PTPRD: variants seen among roughly 807,000 people sequenced by gnomAD.
PTPRD encodes the protein protein tyrosine phosphatase receptor type D.
PTPRD carries 34 observed loss-of-function variants against 214.5 expected under a neutral mutation model. The observed-to-expected ratio is 0.16, with a 90% CI of 0.12 to 0.21. The LOEUF (loss-of-function observed/expected upper bound fraction) is 0.21. Among genes scored for constraint, PTPRD ranks in the 10% least tolerant of loss-of-function variants. The probability of loss-of-function intolerance (pLI) is 1.00; values close to 1 mark genes in which losing one functional copy is unlikely to be tolerated. For synonymous variants in PTPRD, 1,128 were observed against 845.7 expected, an observed-to-expected ratio of 1.33 and a Z score of -5.79; for missense variants, 2,545 against 2,398.7, an observed-to-expected ratio of 1.06 and a Z score of -1.27.
At chr9:8,620,887 T>C (rs1490554774) in intron 14 of PTPRD, among the ~76,000 whole-genome samples, 1 of 151,996 alleles carries the variant, frequency 6.6e-6, no homozygotes, top group Non-Finnish European at 1.5e-5. Flanking sequence ...ACAAGTAATT[T>C]TTCTTCAATC....
At chr9:10,268,268 C>A (rs944239961) in intron 3 of PTPRD, among the ~76,000 whole-genome samples, 10 of 148,958 alleles carry the variant, frequency 6.7e-5, no homozygotes, top group East Asian at 5.9e-4. Flanking sequence ...CCAGCCTGGG[C>A]AGCAGAGCAA....
At chr9:10,470,822 G>A (rs974652582) in intron 2 of PTPRD, among the ~76,000 whole-genome samples, 7 of 152,004 alleles carry the variant, frequency 4.6e-5, no homozygotes, top group African/African-American at 1.4e-4. Flanking sequence ...GTGGTGGAGG[G>A]TATCAGAAGA....
chr9:9,151,429 TC>T (rs2099876671), intron 10 of PTPRD, among the ~76,000 whole-genome samples: 2 of 152,084 alleles, frequency 1.3e-5, no homozygotes, highest in African/African-American at 2.4e-5. Flanking sequence ...ACTCCTGATG[TC>T]CCCCAGGCTG....
At chr9:10,374,821 T>C (rs1361489488) in intron 2 of PTPRD, among the ~76,000 whole-genome samples, 1 of 152,076 alleles carries the variant, frequency 6.6e-6, no homozygotes, top group Admixed American at 6.6e-5. Context: ...TATATATGAC[T>C]ACTTGAAAAC....
At chr9:10,342,530 C>G (rs1354710882) in intron 2 of PTPRD, among the ~76,000 whole-genome samples, 2 of 151,936 alleles carry the variant, frequency 1.3e-5, no homozygotes, top group Non-Finnish European at 2.9e-5. Context: ...CACTAGAAAA[C>G]ACAACAGGAT....
intron 8 of PTPRD, among the ~76,000 whole-genome samples, chr9:9,439,555 C>T (rs2086686464): frequency 6.6e-6 from 1 of 152,110 alleles, no homozygotes; most frequent in East Asian, 1.9e-4. Flanking sequence ...TGAGTAAACA[C>T]AATAGGAAAC....
intron 7 of PTPRD, among the ~76,000 whole-genome samples, chr9:9,670,831 T>C (rs1055251336): frequency 2.0e-5 from 3 of 152,192 alleles, no homozygotes; most frequent in Admixed American, 6.5e-5. Context: ...TATATGGAAA[T>C]GCCTGGATGC....
At chr9:8,713,332 A>G (rs7857358) in intron 12 of PTPRD, 12,691 of 866,976 alleles carry the variant, frequency 0.015, 268 homozygotes, top group South Asian at 0.053. Context: ...GGGCACACTA[A>G]GAGAGTACAA....
chr9:9,912,235 AG>A (rs1386219472), intron 5 of PTPRD, among the ~76,000 whole-genome samples: 3 of 152,126 alleles, frequency 2.0e-5, no homozygotes, highest in Non-Finnish European at 4.4e-5. Context: ...GGAGCAGGTC[AG>A]CCCCTCTGGA....
chr9:10,452,853 C>A (rs1213514743), intron 2 of PTPRD, among the ~76,000 whole-genome samples: 1 of 151,444 alleles, frequency 6.6e-6, no homozygotes, highest in Non-Finnish European at 1.5e-5. Context: ...TTTATTTTTG[C>A]TTTTGTTTTC....
intron 9 of PTPRD, among the ~76,000 whole-genome samples, chr9:9,224,213 A>G (rs530839053): frequency 1.7e-3 from 255 of 152,124 alleles, no homozygotes; most frequent in African/African-American, 5.7e-3. Context: ...TAGACTCAAG[A>G]GTAAGAAGCC....
intron 5 of PTPRD, among the ~76,000 whole-genome samples, chr9:9,913,549 G>A (rs1047071887): frequency 6.6e-6 from 1 of 152,136 alleles, no homozygotes; most frequent in East Asian, 1.9e-4. Context: ...AGATGCACCA[G>A]TAGTGACTGG....
intron 2 of PTPRD, among the ~76,000 whole-genome samples, chr9:10,601,513 A>G (rs2077971994): frequency 1.3e-5 from 2 of 151,786 alleles, no homozygotes; most frequent in East Asian, 1.9e-4. Flanking sequence ...CTAATCCAAT[A>G]TATCTTGTAC....
intron 11 of PTPRD, among the ~76,000 whole-genome samples, chr9:8,872,954 G>C (rs1587046350): frequency 6.6e-6 from 1 of 152,130 alleles, no homozygotes; most frequent in Non-Finnish European, 1.5e-5. Flanking sequence ...GGAAAATAGA[G>C]TTACTCACCA....
chr9:8,625,751 A>C (rs574605036), intron 14 of PTPRD, among the ~76,000 whole-genome samples: 3 of 151,908 alleles, frequency 2.0e-5, no homozygotes, highest in Non-Finnish European at 4.4e-5. Flanking sequence ...AAGTTCTAAG[A>C]AACAAAAAAG....
At chr9:8,368,445 C>T (rs2080559811) in intron 39 of PTPRD, among the ~76,000 whole-genome samples, 1 of 151,952 alleles carries the variant, frequency 6.6e-6, no homozygotes, top group South Asian at 2.1e-4. Context: ...TCTCAGTTGC[C>T]CTTGAAGGAA....
intron 9 of PTPRD, among the ~76,000 whole-genome samples, chr9:9,351,865 G>A (rs1006623374): frequency 6.6e-6 from 1 of 151,972 alleles, no homozygotes; most frequent in Non-Finnish European, 1.5e-5. Context: ...TCCGTCCATT[G>A]GAGATAACAT....
intron 11 of PTPRD, among the ~76,000 whole-genome samples, chr9:8,761,359 T>C (rs1368368386): frequency 6.6e-6 from 1 of 152,192 alleles, no homozygotes; most frequent in African/African-American, 2.4e-5. Context: ...ACATATATTA[T>C]AACTAACAAA....
chr9:9,887,271 C>T (rs1191591600), intron 5 of PTPRD, among the ~76,000 whole-genome samples: 1 of 152,016 alleles, frequency 6.6e-6, no homozygotes, highest in African/African-American at 2.4e-5. Context: ...GAAAATTTTC[C>T]TTGACATTGT....
Sources: allele counts gnomAD v4.1 joint callset (sites outside exome capture counted in the v4.1 genomes callset), GRCh38; gene constraint gnomAD v4.1.1; transcripts MANE v1.5; gene names NCBI Gene and HGNC (gene_info 2026-07-23, HGNC 2026-07-21).